The following CFDP1 variants were observed in gnomAD, a reference collection of about 807,000 sequenced individuals.
CFDP1 encodes chromatin remodeling protein CFDP1.
Under a neutral mutation model 40.1 loss-of-function variants are expected in CFDP1, and 31 were observed. The ratio of observed to expected loss-of-function variants is 0.77; its 90% CI spans 0.58 to 1.04. The LOEUF (loss-of-function observed/expected upper bound fraction) is 1.04, where lower values mean the gene tolerates loss of function less well. CFDP1 is among the 50% of genes least tolerant of loss of function. The pLI is 0.00. For missense variants in CFDP1, 423 were observed against 343.4 expected, an observed-to-expected ratio of 1.23 and a Z score of -1.83; for synonymous variants, 167 against 120.0, an observed-to-expected ratio of 1.39 and a Z score of -2.56.
intron 5 of CFDP1, among the ~76,000 whole-genome samples, chr16:75,328,599 TAAAAAA>T (rs534769130): frequency 1.6e-5 from 1 of 63,926 alleles, no homozygotes; most frequent in African/African-American, 6.7e-5. Flanking sequence ...AACTCTGTCT[TAAAAAA>T]AAAAAAAAAA....
Position 75,362,597 on chromosome 16 carries a change from A to G in CFDP1, c.650+32493T>C, listed in dbSNP as rs76481957. On this transcript the variant is annotated intron_variant, in intron 5 of 6. Coordinates refer to ENST00000283882, the MANE Select transcript of CFDP1 (RefSeq NM_006324.3). ...ATAATAATGCAGCCAATCTCGACCT[A>G]CAACACAAGCTGTAAGTTAAGGTAC... 1.4e-3 allele frequency among the ~76,000 whole-genome samples: 207 copies of G among 152,322 alleles called. 1 individual carries two copies. The highest frequency in any genetic ancestry group is 2.3e-3 in the Non-Finnish European group (154 of 68,030).
rs190787579 is a variant in CFDP1, at chr16:75,411,745, G to C, written c.530+80C>G. On this transcript the variant is annotated intron_variant, in intron 4 of 6. Transcript: ENST00000283882. ...AAAATATTATGATGGATTGAAAAGA[G>C]GATAGATGGCTAACACCAGTTAGAG... 2.3e-6 allele frequency: 3 copies of C among 1,332,450 alleles called. No individual in the cohort carries two copies. The African/African-American group carries it at 4.4e-5, about 19-fold the overall frequency. The allele number at this position is 1,332,450 out of a possible 1,614,324, so 82.5% of individuals were successfully genotyped here.
chr16:75,407,933 C>G (rs1050225347), intron 4 of CFDP1, among the ~76,000 whole-genome samples: 1 of 152,006 alleles, frequency 6.6e-6, no homozygotes, highest in African/African-American at 2.4e-5. Flanking sequence ...AATGGTGAAA[C>G]CCATCTCTAC....
At chr16:75,404,435 A>G (rs1018635289) in intron 4 of CFDP1, among the ~76,000 whole-genome samples, 1 of 151,720 alleles carries the variant, frequency 6.6e-6, no homozygotes, top group South Asian at 2.1e-4. Context: ...GTTAGCCAGG[A>G]TGGTCTCGAT....
intron 6 of CFDP1, among the ~76,000 whole-genome samples, chr16:75,298,039 T>G (rs1429407419): frequency 6.6e-6 from 1 of 152,236 alleles, no homozygotes; most frequent in Non-Finnish European, 1.5e-5. Flanking sequence ...CTTTGCTTTC[T>G]GATGGTTCAA....
At chr16:75,393,598 G>A (rs1283856270) in intron 5 of CFDP1, among the ~76,000 whole-genome samples, 3 of 151,442 alleles carry the variant, frequency 2.0e-5, no homozygotes, top group African/African-American at 7.3e-5. Context: ...GGGCGCGGTG[G>A]CGGGCGCCTG....
intron 6 of CFDP1, among the ~76,000 whole-genome samples, chr16:75,296,907 C>A (rs2078185987): frequency 6.6e-6 from 1 of 152,164 alleles, no homozygotes; most frequent in Non-Finnish European, 1.5e-5. Context: ...ATGGACTCTC[C>A]CACTGCCAAG....
intron 5 of CFDP1, among the ~76,000 whole-genome samples, chr16:75,318,626 G>C (rs566754063): frequency 6.6e-6 from 1 of 151,920 alleles, no homozygotes; most frequent in Non-Finnish European, 1.5e-5. Context: ...GGATGGTCTC[G>C]ATCTCCTGAC....
chr16:75,323,947 G>A (rs928723241), intron 5 of CFDP1, among the ~76,000 whole-genome samples: 3 of 152,162 alleles, frequency 2.0e-5, no homozygotes, highest in Non-Finnish European at 1.5e-5. Context: ...TAATTTCTCT[G>A]AGTCTCAAGT....
Position 75,300,177 on chromosome 16 carries a change from G to C in CFDP1, c.809+4847C>G, listed in dbSNP as rs187130059. 2.6e-5 allele frequency among the ~76,000 whole-genome samples: 4 copies of C among 152,358 alleles called. No individual in the cohort carries two copies. In the East Asian group the frequency reaches 7.7e-4, roughly 29 times the overall value. On this transcript the variant is annotated intron_variant, in intron 6 of 6. Coordinates refer to ENST00000283882, the MANE Select transcript of CFDP1 (RefSeq NM_006324.3). ...GCAGATGTCTGCGGCCTGTACTGGG[G>C]TGGTGGTAGTGGGGCTGCGTGAATA...
At chr16:75,432,617 G>C (rs1248432772) in intron 1 of CFDP1, among the ~76,000 whole-genome samples, 2 of 152,156 alleles carry the variant, frequency 1.3e-5, no homozygotes, top group East Asian at 3.9e-4. Flanking sequence ...TGTTTTGTTA[G>C]TCTGTTTGTT....
intron 1 of CFDP1, among the ~76,000 whole-genome samples, chr16:75,418,450 G>T (rs565386973): frequency 1.4e-4 from 22 of 151,744 alleles, no homozygotes; most frequent in African/African-American, 5.3e-4. Context: ...GGGACTACAG[G>T]CGTGCACCAC....
At chr16:75,337,089 A>G (rs1228818483) in intron 5 of CFDP1, among the ~76,000 whole-genome samples, 1 of 152,188 alleles carries the variant, frequency 6.6e-6, no homozygotes, top group African/African-American at 2.4e-5. Context: ...AAAATTATGA[A>G]TGTATCATTG....
chr16:75,404,240 CT>C (rs1163893409), intron 4 of CFDP1, among the ~76,000 whole-genome samples: 146 of 141,994 alleles, frequency 1.0e-3, no homozygotes, highest in Admixed American at 9.3e-4. Context: ...TGTCATTTTT[CT>C]TTTTTTTTTT....
At chr16:75,430,165 TTTTG>T (rs200572220) in intron 1 of CFDP1, among the ~76,000 whole-genome samples, 8 of 41,994 alleles carry the variant, frequency 1.9e-4, no homozygotes, top group African/African-American at 2.8e-4. Flanking sequence ...CAGAGGTTTT[TTTTG>T]TTTGTTTGTT....
chr16:75,379,165 A>G (rs1156924804), intron 5 of CFDP1, among the ~76,000 whole-genome samples: 1 of 151,820 alleles, frequency 6.6e-6, no homozygotes, highest in African/African-American at 2.4e-5. Context: ...TCTAAGCTCC[A>G]ACTTCAAGAA....
intron 5 of CFDP1, among the ~76,000 whole-genome samples, chr16:75,359,237 T>A (rs1171194578): frequency 6.6e-6 from 1 of 152,210 alleles, no homozygotes; most frequent in Non-Finnish European, 1.5e-5. Flanking sequence ...TAATTTCTTA[T>A]ACTATAAATA....
chr16:75,373,229 T>A (rs189749439), intron 5 of CFDP1, among the ~76,000 whole-genome samples: 37 of 152,336 alleles, frequency 2.4e-4, no homozygotes, highest in Non-Finnish European at 1.3e-4. Context: ...AATAACATGG[T>A]GACCCATTTC....
At chr16:75,424,540 G>T (rs1006034781) in intron 1 of CFDP1, among the ~76,000 whole-genome samples, 2 of 152,114 alleles carry the variant, frequency 1.3e-5, no homozygotes, top group African/African-American at 4.8e-5. Context: ...CGGATCACGA[G>T]GTCAGGAGAT....
Sources: allele counts gnomAD v4.1 joint callset (sites outside exome capture counted in the v4.1 genomes callset), GRCh38; gene constraint gnomAD v4.1.1; transcripts MANE v1.5; gene names NCBI Gene and HGNC (gene_info 2026-07-23, HGNC 2026-07-21).